Variants in PLD5 observed in about 807,000 individuals in gnomAD.
PLD5 encodes the protein inactive phospholipase D5.
In PLD5, 36 loss-of-function variants were observed where a neutral mutation model predicts 61.1. The ratio of observed to expected loss-of-function variants is 0.59; its 90% CI spans 0.45 to 0.78. The LOEUF is 0.78. PLD5 is among the 30% of genes least tolerant of loss of function. PLD5 has a pLI of 0.00. For missense variants in PLD5, 515 were observed against 644.4 expected, an observed-to-expected ratio of 0.80 and a Z score of 2.17; for synonymous variants, 243 against 242.8, an observed-to-expected ratio of 1.00 and a Z score of -0.01.
chr1:242,124,547 T>C lies in PLD5; in HGVS notation c.854A>G (p.Lys285Arg). Residue 285 changes from lysine (K) to arginine (R), a missense_variant, in exon 6 of 10, where the codon AAA (lysine) becomes AGA (arginine). Transcript: ENST00000536534. ...ATTGTCATAGACTCCATAGAGTCTTTTGGACCAGGTTTGAGGCACTCTGCT... is the reference window on the plus strand; with the variant it reads ...ATTGTCATAGACTCCATAGAGTCTTCTGGACCAGGTTTGAGGCACTCTGCT... ...FKSRVPQTWSKRLYGVYDNEK... is the reference protein window; with the variant it reads ...FKSRVPQTWSRRLYGVYDNEK... 2 of 1,614,150 alleles carry C rather than the reference T, an allele frequency of 1.2e-6. No individual in the cohort carries two copies. The highest frequency in any genetic ancestry group is 8.5e-7 in the Non-Finnish European group (1 of 1,180,000).
intron 4 of PLD5, among the ~76,000 whole-genome samples, chr1:242,243,499 C>A (rs1436414312): frequency 6.6e-6 from 1 of 152,180 alleles, no homozygotes; most frequent in African/African-American, 2.4e-5. Flanking sequence ...AGACCATTCT[C>A]AGCTTAGGAG....
intron 2 of PLD5, among the ~76,000 whole-genome samples, chr1:242,347,137 A>G (rs1007398883): frequency 6.6e-6 from 1 of 152,240 alleles, no homozygotes; most frequent in Admixed American, 6.5e-5. Context: ...CCATGGGTTA[A>G]ACATAAATGC....
intron 5 of PLD5, among the ~76,000 whole-genome samples, chr1:242,174,146 T>C (rs1666957958): frequency 6.6e-6 from 1 of 151,978 alleles, no homozygotes; most frequent in African/African-American, 2.4e-5. Context: ...TGCAATCTAC[T>C]CATCTGACAA....
chr1:242,103,013 C>A (rs1406916771), intron 8 of PLD5, among the ~76,000 whole-genome samples: 3 of 152,146 alleles, frequency 2.0e-5, no homozygotes, highest in Admixed American at 1.3e-4. Context: ...TGCAGGTGCC[C>A]TAGTGGCAGG....
intron 1 of PLD5, among the ~76,000 whole-genome samples, chr1:242,521,246 T>A (rs545169177): frequency 6.6e-6 from 1 of 152,344 alleles, no homozygotes; most frequent in African/African-American, 2.4e-5. Context: ...GAACCATATT[T>A]AAAGATTGAT....
At chr1:242,494,803 A>C (rs914084854) in intron 1 of PLD5, among the ~76,000 whole-genome samples, 2 of 151,052 alleles carry the variant, frequency 1.3e-5, no homozygotes, top group African/African-American at 4.9e-5. Context: ...CTCATGGTCT[A>C]TATTTTTCAT....
intron 1 of PLD5, among the ~76,000 whole-genome samples, chr1:242,506,773 G>T (rs753219929): frequency 6.6e-5 from 10 of 152,172 alleles, no homozygotes; most frequent in Non-Finnish European, 1.2e-4. Context: ...GCGAAATACT[G>T]GACGGGAAAA....
rs1659363169 is a variant in PLD5 at position 242,084,338 on chromosome 1, A to T, written c.*5516T>A. 6.6e-6 allele frequency: 1 copy of T among 151,910 alleles called. No individual in the cohort carries two copies. Among genetic ancestry groups the T allele is most frequent in the Non-Finnish European group, 1.5e-5 (1 of 67,972 alleles). 9.4% of individuals were successfully genotyped at this position (151,910 alleles called of 1,614,324 possible). A position where few individuals can be genotyped will look rare whatever the true frequency, so the allele number is the denominator to read the frequency against. On this transcript the variant is annotated 3_prime_UTR_variant, in exon 10 of 10. Coordinates refer to ENST00000536534, the MANE Select transcript of PLD5 (RefSeq NM_001372062.1). ...TATGCCTCTCAGATTGATTCTCTTT[A>T]TGAAAACAGCACCCACCTTATTACA...
chr1:242,254,289 A>G (rs536898521), intron 4 of PLD5, among the ~76,000 whole-genome samples: 2 of 149,750 alleles, frequency 1.3e-5, no homozygotes, highest in African/African-American at 4.9e-5. Flanking sequence ...CACTTTTTAT[A>G]TATTATCTAA....
At chr1:242,518,442 C>T (rs769931459) in intron 1 of PLD5, among the ~76,000 whole-genome samples, 11 of 152,098 alleles carry the variant, frequency 7.2e-5, no homozygotes, top group African/African-American at 2.7e-4. Context: ...GGTGTGAGAT[C>T]GTGCCACAGA....
intron 9 of PLD5, among the ~76,000 whole-genome samples, chr1:242,095,520 C>T (rs1039527743): frequency 6.6e-6 from 1 of 152,180 alleles, no homozygotes; most frequent in Non-Finnish European, 1.5e-5. Flanking sequence ...GTGTGAGCCA[C>T]CACGCCCGGC....
At chr1:242,428,463 G>A (rs1223565069) in intron 1 of PLD5, among the ~76,000 whole-genome samples, 1 of 152,200 alleles carries the variant, frequency 6.6e-6, no homozygotes, top group East Asian at 1.9e-4. Flanking sequence ...AAAAAGGGAT[G>A]GGAGCTTCAG....
At chr1:242,415,669 C>G (rs561924590) in intron 1 of PLD5, among the ~76,000 whole-genome samples, 9 of 151,976 alleles carry the variant, frequency 5.9e-5, no homozygotes, top group Non-Finnish European at 8.8e-5. Context: ...CCCGCCACCA[C>G]GCCCGGCCAA....
Position 242,179,748 on chromosome 1 carries a change from C to CA in PLD5, c.735+40239dup, listed in dbSNP as rs576204805. On this transcript the variant is annotated intron_variant, in intron 5 of 9. Transcript: ENST00000536534. ...TGAAACCCCATCTCTACTAAAAATA[C>CA]AAAAATTAGCCGGGCATGGTGGTGC... Among the ~76,000 whole-genome samples, 437 of 152,248 alleles carry CA rather than the reference C, an allele frequency of 2.9e-3. 3 individuals carry two copies. Among genetic ancestry groups the CA allele is most frequent in the African/African-American group, 0.01 (421 of 41,552 alleles).
chr1:242,277,689 TAC>T (rs1200250234), intron 3 of PLD5, among the ~76,000 whole-genome samples: 18 of 148,858 alleles, frequency 1.2e-4, no homozygotes, highest in African/African-American at 4.2e-4. Flanking sequence ...AAAATTAAGA[TAC>T]AATTCTTTAG....
At chr1:242,323,642 T>C (rs1558464443) in intron 2 of PLD5, among the ~76,000 whole-genome samples, 2 of 152,222 alleles carry the variant, frequency 1.3e-5, no homozygotes, top group East Asian at 3.8e-4. Flanking sequence ...CCGAGCTGCA[T>C]AGGAACTGCT....
At chr1:242,401,379 C>G (rs538862049) in intron 1 of PLD5, among the ~76,000 whole-genome samples, 6 of 152,086 alleles carry the variant, frequency 3.9e-5, no homozygotes, top group Admixed American at 2.0e-4. Flanking sequence ...CCCAGAAGCC[C>G]GAGTGGTCTT....
At position 242,100,617 on chromosome 1, in the gene PLD5, C is replaced by T. The variant is rs750186360; in HGVS notation, c.1354+51G>A. ...GATACCGTGGAGCACAGCTGGACTA[C>T]CACTCCCTGGGTGACCCCCACCCAA... On this transcript the variant is annotated intron_variant, in intron 9 of 9. Coordinates refer to ENST00000536534, the MANE Select transcript of PLD5 (RefSeq NM_001372062.1). 2.2e-6 allele frequency: 3 copies of T among 1,371,812 alleles called. No homozygotes were observed. The South Asian group carries it at 3.5e-5, about 16-fold the overall frequency. The allele number at this position is 1,371,812 out of a possible 1,614,324, so 85.0% of individuals were successfully genotyped here. A position where few individuals can be genotyped will look rare whatever the true frequency, so the allele number is the denominator to read the frequency against.
At chr1:242,128,484 C>G (rs896540403) in intron 5 of PLD5, among the ~76,000 whole-genome samples, 3 of 152,206 alleles carry the variant, frequency 2.0e-5, no homozygotes, top group South Asian at 2.1e-4. Context: ...CCTGCTGACT[C>G]TCTCCTGATG....
Sources: allele counts gnomAD v4.1 joint callset (sites outside exome capture counted in the v4.1 genomes callset), GRCh38; gene constraint gnomAD v4.1.1; transcripts MANE v1.5; gene names NCBI Gene and HGNC (gene_info 2026-07-23, HGNC 2026-07-21).